CLN8: variants seen among roughly 807,000 people sequenced by gnomAD.
CLN8 encodes CLN8 transmembrane ER and ERGIC protein.
Under a neutral mutation model 15.7 loss-of-function variants are expected in CLN8, and 14 were observed. That is an observed-to-expected ratio of 0.89 (90% CI 0.59 to 1.39). The LOEUF (loss-of-function observed/expected upper bound fraction) is 1.39, where lower values mean the gene tolerates loss of function less well. CLN8 is among the 40% of genes most tolerant of loss of function. CLN8 has a pLI of 0.00. For synonymous variants in CLN8, 188 were observed against 151.0 expected, an observed-to-expected ratio of 1.25 and a Z score of -1.80; for missense variants, 415 against 364.0, an observed-to-expected ratio of 1.14 and a Z score of -1.14.
Position 1,771,576 on chromosome 8 carries a change from C to T in CLN8, c.522C>T (p.Cys174=), listed in dbSNP as rs148417620. Residue 174 remains cysteine (C), a synonymous_variant, in exon 2 of 3, where the codon TGC becomes TGT. Transcript: ENST00000331222. ...LLLEMSTPFT[C]VSWMLLKAGW... ...TGGAGATGAGCACGCCCTTTACCTG[C>T]GTTTCCTGGATGCTCTTAAAGGTAA... 1.4e-4 allele frequency: 222 copies of T among 1,613,840 alleles called. No individual in the cohort carries two copies. Among genetic ancestry groups the T allele is most frequent in the Non-Finnish European group, 1.8e-4 (207 of 1,179,998 alleles).
Position 1,780,831 on chromosome 8 carries a change from T to G in CLN8, c.*264T>G. The G allele has an allele frequency of 6.7e-5, 35 of 524,444 alleles. No homozygotes were observed. Among genetic ancestry groups the G allele is most frequent in the East Asian group, 1.3e-4 (4 of 30,232 alleles). 32.5% of individuals were successfully genotyped at this position (524,444 alleles called of 1,614,324 possible). On this transcript the variant is annotated 3_prime_UTR_variant, in exon 3 of 3. Coordinates refer to ENST00000331222, the MANE Select transcript of CLN8 (RefSeq NM_018941.4). ...AAGCATCTAGGAGAGGAGTCCATGG[T>G]GTCCAGGCATCGGGGCGTCACACCT...
At chr8:1,775,980 G>C (rs1343355465) in intron 2 of CLN8, among the ~76,000 whole-genome samples, 1 of 151,366 alleles carries the variant, frequency 6.6e-6, no homozygotes, top group Non-Finnish European at 1.5e-5. Flanking sequence ...GAAGATTCTG[G>C]AAGCTGAATC....
At position 1,780,612 on chromosome 8, in the gene CLN8, G is replaced by A. The variant is rs1164496640; in HGVS notation, c.*45G>A. The A allele has an allele frequency of 5.7e-6, 9 of 1,584,662 alleles. No individual in the cohort carries two copies. The highest frequency in any genetic ancestry group is 2.7e-5 in the African/African-American group (2 of 74,252). ...GGGGCGGCAGCAGAGCTGGCACACC[G>A]ATTCTGGGAAGCCCCGCGAATGATG... is the stretch of plus-strand genomic sequence containing the variant. On this transcript the variant is annotated 3_prime_UTR_variant, in exon 3 of 3. Coordinates refer to ENST00000331222, the MANE Select transcript of CLN8 (RefSeq NM_018941.4).
intron 1 of CLN8, among the ~76,000 whole-genome samples, chr8:1,768,625 C>A (rs995874013): frequency 6.6e-6 from 1 of 152,154 alleles, no homozygotes; most frequent in Non-Finnish European, 1.5e-5. Context: ...GTGTTGTTCA[C>A]GTTAACCCTT....
chr8:1,755,294 C>T (rs1231299569), upstream of CLN8, among the ~76,000 whole-genome samples: 1 of 152,150 alleles, frequency 6.6e-6, no homozygotes, highest in Non-Finnish European at 1.5e-5. Context: ...TTAAACTTTC[C>T]TTTACTCTGG....
upstream of CLN8, among the ~76,000 whole-genome samples, chr8:1,761,013 T>G (rs888362698): frequency 7.9e-5 from 1 of 12,654 alleles, no homozygotes; most frequent in Non-Finnish European, 2.0e-4. Context: ...TATAGCCATC[T>G]TTTTTTTTTT....
chr8:1,756,894 G>C (rs1276978920), intron 1 of CLN8, among the ~76,000 whole-genome samples: 2 of 152,038 alleles, frequency 1.3e-5, no homozygotes, highest in Non-Finnish European at 2.9e-5. Flanking sequence ...TGTTGGTCAG[G>C]CTGGTCTAGA....
In CLN8 at chr8:1,780,600, A is replaced by C. The variant is rs760918947; in HGVS notation, c.*33A>C. On this transcript the variant is annotated 3_prime_UTR_variant, in exon 3 of 3. Coordinates refer to ENST00000331222, the MANE Select transcript of CLN8 (RefSeq NM_018941.4). ...AGCCGGGGCTCCGGGGCGGCAGCAG[A>C]GCTGGCACACCGATTCTGGGAAGCC... The C allele has an allele frequency of 5.0e-6, 8 of 1,605,188 alleles. No individual in the cohort carries two copies. In the Admixed American group the frequency reaches 1.0e-4, roughly 20 times the overall value.
In CLN8 at chr8:1,767,187, A is replaced by G. The variant is rs1475716297; in HGVS notation, c.-124+3302A>G. 2.6e-5 allele frequency among the ~76,000 whole-genome samples: 4 copies of G among 152,226 alleles called. No individual in the cohort carries two copies. The East Asian group carries it at 7.7e-4, about 29-fold the overall frequency. On this transcript the variant is annotated intron_variant, in intron 1 of 2. Coordinates refer to ENST00000331222, the MANE Select transcript of CLN8 (RefSeq NM_018941.4). ...CTAAACTCAGAGACCCACAGTAACG[A>G]GTTAGACTAGAACAGCACCAGCTTA...
At chr8:1,754,756 A>C (rs1800628500), upstream of CLN8, among the ~76,000 whole-genome samples, 1 of 152,192 alleles carries the variant, frequency 6.6e-6, no homozygotes, top group South Asian at 2.1e-4. Flanking sequence ...AGACATCCCA[A>C]CACCATGCCT....
rs182846968 is a variant in CLN8, at chr8:1,769,976, A to G, written c.-123-956A>G. Among the ~76,000 whole-genome samples the G allele has an allele frequency of 1.6e-3, 240 of 152,294 alleles. 1 individual carries two copies. The highest frequency in any genetic ancestry group is 2.0e-3 in the Non-Finnish European group (136 of 68,040). ...GTCTCCCGCCTTCACAGCAGTCCCA[A>G]TCAGTCACACAATTCAGGCATCGCA... On this transcript the variant is annotated intron_variant, in intron 1 of 2. Transcript: ENST00000331222.
Position 1,770,091 on chromosome 8 carries a change from C to G in CLN8, c.-123-841C>G, listed in dbSNP as rs532549642. Among the ~76,000 whole-genome samples, 259 of 152,264 alleles carry G rather than the reference C, an allele frequency of 1.7e-3. 4 individuals are homozygous for G. The highest frequency in any genetic ancestry group is 6.0e-3 in the African/African-American group (250 of 41,564). ...TTGATCCTAGTTAACACCCCAAACA[C>G]CAAAAATGAGTGTTTGGGGTATGCA... On this transcript the variant is annotated intron_variant, in intron 1 of 2. Transcript: ENST00000331222.
rs1216629132 is a variant in CLN8, at chr8:1,781,424, A to G, written c.*857A>G. ...GTGTACGGCAGTGCCATCTGGTGGCAAGTGGTACAAAGACAACGCTGAGGG... is the reference window on the plus strand; with the variant it reads ...GTGTACGGCAGTGCCATCTGGTGGCGAGTGGTACAAAGACAACGCTGAGGG... On this transcript the variant is annotated 3_prime_UTR_variant, in exon 3 of 3. Transcript: ENST00000331222. 3 of 140,116 alleles carry G rather than the reference A, an allele frequency of 2.1e-5. No individual in the cohort carries two copies. The highest frequency in any genetic ancestry group is 4.6e-5 in the Non-Finnish European group (3 of 64,544). 8.7% of individuals were successfully genotyped at this position (140,116 alleles called of 1,614,324 possible). A position where few individuals can be genotyped will look rare whatever the true frequency, so the allele number is the denominator to read the frequency against.
At chr8:1,763,042 T>G (rs1373009697), upstream of CLN8, 4 of 152,052 alleles carry the variant, frequency 2.6e-5, no homozygotes, top group Non-Finnish European at 4.4e-5. Flanking sequence ...CTGCGGAAAC[T>G]CCTACAGACA....
At chr8:1,777,068 G>A (rs1440275583) in intron 2 of CLN8, among the ~76,000 whole-genome samples, 2 of 152,098 alleles carry the variant, frequency 1.3e-5, no homozygotes, top group East Asian at 1.9e-4. Context: ...TCGAGTGGCC[G>A]TCATAGAGTA....
chr8:1,765,251 C>T (rs1292657265), intron 1 of CLN8: 1 of 152,174 alleles, frequency 6.6e-6, no homozygotes, highest in African/African-American at 2.4e-5. Flanking sequence ...TCCCTGCAAC[C>T]GTGTTGCAGA....
At chr8:1,766,087 C>A (rs1474291789) in intron 1 of CLN8, among the ~76,000 whole-genome samples, 1 of 152,200 alleles carries the variant, frequency 6.6e-6, no homozygotes, top group Non-Finnish European at 1.5e-5. Context: ...CCTGGTCACA[C>A]TGCAGCAACA....
Position 1,766,772 on chromosome 8 carries a change from G to C in CLN8, c.-124+2887G>C, listed in dbSNP as rs1246694788. Among the ~76,000 whole-genome samples the C allele has an allele frequency of 2.0e-5, 3 of 152,222 alleles. No individual in the cohort carries two copies. In the East Asian group the frequency reaches 5.8e-4, roughly 29 times the overall value. On this transcript the variant is annotated intron_variant, in intron 1 of 2. Transcript: ENST00000331222. ...ACTTAAGGACTCCTTCATGTGGCCT[G>C]AGCCTTATGGTGCACAGCAAGGGAA...
At chr8:1,778,134 C>A (rs1042131388) in intron 2 of CLN8, among the ~76,000 whole-genome samples, 11 of 152,268 alleles carry the variant, frequency 7.2e-5, no homozygotes, top group African/African-American at 2.6e-4. Flanking sequence ...CACTTATGGA[C>A]CTGGTGGTTG....
Sources: allele counts gnomAD v4.1 joint callset (sites outside exome capture counted in the v4.1 genomes callset), GRCh38; gene constraint gnomAD v4.1.1; transcripts MANE v1.5; gene names NCBI Gene and HGNC (gene_info 2026-07-23, HGNC 2026-07-21).